The following ADAMTS6 variants were observed in gnomAD, a reference collection of about 807,000 sequenced individuals.
The protein encoded by ADAMTS6 is ADAM metallopeptidase with thrombospondin type 1 motif 6.
In ADAMTS6, 23 loss-of-function variants were observed where a neutral mutation model predicts 144.3. The ratio of observed to expected loss-of-function variants is 0.16; its 90% CI spans 0.11 to 0.23. The LOEUF (loss-of-function observed/expected upper bound fraction) is 0.23, where lower values mean the gene tolerates loss of function less well. ADAMTS6 is among the 10% of genes least tolerant of loss of function. The pLI is 1.00. For missense variants in ADAMTS6, 999 were observed against 1,379.6 expected, an observed-to-expected ratio of 0.72 and a Z score of 4.37; for synonymous variants, 444 against 457.5, an observed-to-expected ratio of 0.97 and a Z score of 0.38.
At position 65,149,946 on chromosome 5, in the gene ADAMTS6, A is replaced by G. The variant is rs1752059497; in HGVS notation, c.*1890T>C. 6.6e-6 allele frequency: 1 copy of G among 152,466 alleles called. No individual in the cohort carries two copies. Among genetic ancestry groups the G allele is most frequent in the South Asian group, 2.1e-4 (1 of 4,822 alleles). The allele number at this position is 152,466 out of a possible 1,614,324, so 9.4% of individuals were successfully genotyped here. On this transcript the variant is annotated 3_prime_UTR_variant, in exon 25 of 25. Transcript: ENST00000381055. ...TCTCTCTGGAAGGCTCAGGGTTGAG[A>G]ACTGTGGTGTTGAGAGAGAAAGCAG...
intron 5 of ADAMTS6, among the ~76,000 whole-genome samples, chr5:65,452,474 A>C (rs1237227748): frequency 6.6e-6 from 1 of 151,732 alleles, no homozygotes; most frequent in Non-Finnish European, 1.5e-5. Context: ...AAAAAAAAAA[A>C]AAACCCTTAA....
At chr5:65,423,184 G>C (rs1580673475) in intron 7 of ADAMTS6, among the ~76,000 whole-genome samples, 1 of 152,318 alleles carries the variant, frequency 6.6e-6, no homozygotes, top group East Asian at 1.9e-4. Context: ...AGGATAGGAG[G>C]AGGGTGAGGA....
At chr5:65,325,830 A>C (rs1256007371) in intron 9 of ADAMTS6, among the ~76,000 whole-genome samples, 1 of 152,152 alleles carries the variant, frequency 6.6e-6, no homozygotes, top group African/African-American at 2.4e-5. Context: ...TCAATATTAG[A>C]GTTAAAGTTC....
intron 12 of ADAMTS6, among the ~76,000 whole-genome samples, chr5:65,268,713 G>T (rs1761826441): frequency 6.6e-6 from 1 of 152,132 alleles, no homozygotes; most frequent in South Asian, 2.1e-4. Context: ...GCAAAGATCA[G>T]TTTTTAATTT....
chr5:65,460,714 A>G (rs1759584164), intron 3 of ADAMTS6, among the ~76,000 whole-genome samples: 1 of 152,202 alleles, frequency 6.6e-6, no homozygotes, highest in African/African-American at 2.4e-5. Context: ...GTTTTGCACA[A>G]TAAAAATATG....
intron 9 of ADAMTS6, among the ~76,000 whole-genome samples, chr5:65,327,273 G>A (rs1043245045): frequency 3.5e-4 from 53 of 152,130 alleles, no homozygotes; most frequent in African/African-American, 1.3e-3. Flanking sequence ...GTATGCCTGT[G>A]AGCCAAATAA....
intron 21 of ADAMTS6, among the ~76,000 whole-genome samples, chr5:65,195,035 GT>G (rs1480528675): frequency 6.6e-6 from 1 of 152,192 alleles, no homozygotes; most frequent in African/African-American, 2.4e-5. Context: ...GGAATAGGGT[GT>G]GACCAGGCTC....
chr5:65,425,216 C>T (rs933739963), intron 7 of ADAMTS6, among the ~76,000 whole-genome samples: 1 of 152,092 alleles, frequency 6.6e-6, no homozygotes, highest in Non-Finnish European at 1.5e-5. Context: ...TATTTAGAGA[C>T]GGGGTTTTGC....
intron 7 of ADAMTS6, among the ~76,000 whole-genome samples, chr5:65,405,672 ATTC>A (rs1754398569): frequency 6.6e-6 from 1 of 152,096 alleles, no homozygotes; most frequent in African/African-American, 2.4e-5. Context: ...GTTTTTTCCA[ATTC>A]TTTGAAGAAA....
In ADAMTS6 at chr5:65,431,222, G is replaced by A. The variant is rs574170619; in HGVS notation, c.1073+20253C>T. Among the ~76,000 whole-genome samples, 4 of 152,050 alleles carry A rather than the reference G, an allele frequency of 2.6e-5. No homozygotes were observed. In the East Asian group the frequency reaches 7.8e-4, roughly 29 times the overall value. On this transcript the variant is annotated intron_variant, in intron 7 of 24. Coordinates refer to ENST00000381055, the MANE Select transcript of ADAMTS6 (RefSeq NM_197941.4). ...CATATAAACATTATATGTCTCATAG[G>A]CTTTGGTTTCTCAATAGCCTTTATA...
chr5:65,439,302 G>A (rs997294930), intron 7 of ADAMTS6, among the ~76,000 whole-genome samples: 2 of 151,958 alleles, frequency 1.3e-5, no homozygotes, highest in African/African-American at 4.8e-5. Flanking sequence ...ACAGTCTCGA[G>A]GTAACTTGCC....
At chr5:65,321,024 T>C (rs1021729004) in intron 9 of ADAMTS6, among the ~76,000 whole-genome samples, 1 of 152,224 alleles carries the variant, frequency 6.6e-6, no homozygotes, top group Non-Finnish European at 1.5e-5. Context: ...TGTGCATTTG[T>C]CTTTGTAATG....
rs762567091 is a variant in ADAMTS6 at position 65,300,137 on chromosome 5, T to G, written c.1224-6A>C. 6.2e-7 allele frequency: 1 copy of G among 1,610,554 alleles called. No homozygotes were observed. The highest frequency in any genetic ancestry group is 1.1e-5 in the South Asian group (1 of 90,142). On this transcript the variant is annotated splice_region_variant and splice_polypyrimidine_tract_variant and intron_variant, in intron 9 of 24. Transcript: ENST00000381055. ...CATCATGGTTCATACCAAAACTGTT[T>G]TAATGAGGAAGAAACATAGAATAAA...
intron 9 of ADAMTS6, among the ~76,000 whole-genome samples, chr5:65,316,411 A>G (rs772644260): frequency 5.3e-5 from 8 of 152,212 alleles, no homozygotes; most frequent in Non-Finnish European, 1.0e-4. Context: ...AATTAATTGA[A>G]AAAGAAAATG....
chr5:65,376,201 T>C (rs1478543365), intron 7 of ADAMTS6, among the ~76,000 whole-genome samples: 6 of 152,164 alleles, frequency 3.9e-5, no homozygotes, highest in African/African-American at 7.2e-5. Context: ...GCATGGCACA[T>C]GTATACATAT....
At chr5:65,454,976 G>A (rs948892174) in intron 4 of ADAMTS6, among the ~76,000 whole-genome samples, 1 of 152,106 alleles carries the variant, frequency 6.6e-6, no homozygotes, top group Non-Finnish European at 1.5e-5. Flanking sequence ...GGCTAATATT[G>A]TTACAAAACA....
At chr5:65,287,722 G>A (rs1164337567) in intron 11 of ADAMTS6, among the ~76,000 whole-genome samples, 1 of 152,004 alleles carries the variant, frequency 6.6e-6, no homozygotes, top group Non-Finnish European at 1.5e-5. Context: ...TAGAGACAGG[G>A]TTTCTCCACG....
intron 9 of ADAMTS6, among the ~76,000 whole-genome samples, chr5:65,302,106 AAAT>A (rs1318539823): frequency 0.08 from 3,004 of 37,470 alleles, 190 homozygotes; most frequent in African/African-American, 0.24. Context: ...AAAAAAAAAA[AAAT>A]ATATATATAT....
intron 9 of ADAMTS6, among the ~76,000 whole-genome samples, chr5:65,322,394 T>C (rs1286296824): frequency 6.6e-6 from 1 of 152,176 alleles, no homozygotes; most frequent in Non-Finnish European, 1.5e-5. Context: ...AACTGTTTTT[T>C]CTAGTTCTGT....
Sources: gnomAD v4.1 joint callset for allele counts (sites outside exome capture counted in the v4.1 genomes callset) on GRCh38, gnomAD v4.1.1 for gene constraint, MANE v1.5 for transcripts, NCBI Gene and HGNC (gene_info 2026-07-23, HGNC 2026-07-21) for gene names.